UNC45A: variants seen among roughly 807,000 people sequenced by gnomAD.
UNC45A encodes protein unc-45 homolog A.
Under a neutral mutation model 103.2 loss-of-function variants are expected in UNC45A, and 78 were observed. The ratio of observed to expected loss-of-function variants is 0.76; its 90% confidence interval spans 0.63 to 0.91. The LOEUF (loss-of-function observed/expected upper bound fraction) is 0.91. UNC45A is among the 40% of genes least tolerant of loss of function. The pLI, the probability that UNC45A is intolerant of heterozygous loss-of-function variation, is 0.00. For missense variants in UNC45A, 1,193 were observed against 1,224.8 expected, an observed-to-expected ratio of 0.97 and a Z score of 0.39; for synonymous variants, 495 against 504.6, an observed-to-expected ratio of 0.98 and a Z score of 0.25.
chr15:90,945,448 G>A (rs537522188), intron 9 of UNC45A, among the ~76,000 whole-genome samples: 2 of 149,870 alleles, frequency 1.3e-5, no homozygotes, highest in Admixed American at 6.7e-5. Flanking sequence ...CACAACCTTC[G>A]CCTCTAGGGT....
rs890159510 is a variant in UNC45A at position 90,948,054 on chromosome 15, C to T, written c.1596-88C>T. 6.2e-5 allele frequency: 98 copies of T among 1,579,398 alleles called. No homozygotes were observed. The South Asian group carries it at 8.7e-4, about 14-fold the overall frequency. ...CTGCTTCTGTACATTGAGGGGATGC[C>T]CAAACCCTTGGTTTTTCCCCCTTGG... is the stretch of plus-strand genomic sequence containing the variant. On this transcript the variant is annotated intron_variant, in intron 11 of 19. Transcript: ENST00000418476.
In UNC45A at chr15:90,950,598, G is replaced by T; in HGVS notation, c.2286G>T (p.Gly762=). 6.2e-7 allele frequency: 1 copy of T among 1,614,196 alleles called. No homozygotes were observed. Among genetic ancestry groups the T allele is most frequent in the Non-Finnish European group, 8.5e-7 (1 of 1,180,024 alleles). ...EALMALTNLA[G]ISERLRQKIL... ...TCATGGCCCTAACAAACCTGGCTGG[G>T]ATCAGCGAGAGGCTCCGGTAAGGTC... The change falls in exon 17 of 20, where the codon GGG becomes GGT. Residue 762 remains glycine (G), a synonymous_variant. Coordinates refer to ENST00000418476, the MANE Select transcript of UNC45A (RefSeq NM_018671.5).
chr15:90,932,307 C>T (rs1475028668), upstream of UNC45A: 3 of 796,282 alleles, frequency 3.8e-6, no homozygotes, highest in South Asian at 3.8e-5. Context: ...GAGGCTTAAA[C>T]GGTATATCGC....
Position 90,942,545 on chromosome 15 carries a change from G to C in UNC45A, c.796G>C (p.Asp266His), listed in dbSNP as rs2036347574. The change falls in exon 7 of 20, where the codon GAT (aspartate) becomes CAT (histidine). Residue 266 changes from aspartate (D) to histidine (H), a missense_variant. Transcript: ENST00000418476. ...AACHLLQVMF[D>H]ALKEGVKKGF... ...CTGCCACCTGCTGCAGGTTATGTTT[G>C]ATGCCCTCAAGGAAGGTGTCAAAAA... 1 of 1,614,174 alleles carries C rather than the reference G, an allele frequency of 6.2e-7. No homozygotes were observed. The highest frequency in any genetic ancestry group is 1.3e-5 in the African/African-American group (1 of 75,044).
upstream of UNC45A, chr15:90,932,630 G>C (rs2035846208): frequency 2.5e-6 from 2 of 811,540 alleles, no homozygotes; most frequent in East Asian, 6.7e-5. Context: ...GGGGATCGTG[G>C]AGGCTAATTC....
upstream of UNC45A, chr15:90,934,008 C>G: frequency 2.5e-6 from 1 of 398,974 alleles, no homozygotes; most frequent in Non-Finnish European, 4.4e-6. Context: ...GTTGGGGTTC[C>G]CAGGACCAGG....
intron 5 of UNC45A, 63 bp downstream of exon 5, chr15:90,939,886 CGA>C: frequency 2.9e-6 from 4 of 1,375,760 alleles, no homozygotes; most frequent in Admixed American, 2.9e-5. Context: ...CATAGGCCCC[CGA>C]AGCCACTGCT....
upstream of UNC45A, chr15:90,932,597 G>T: frequency 9.2e-7 from 1 of 1,083,818 alleles, no homozygotes; most frequent in Non-Finnish European, 1.2e-6. Flanking sequence ...CGTTTACAGC[G>T]CCCCCTGGCG....
At chr15:90,944,003 T>TTG (rs2036431361) in intron 8 of UNC45A, among the ~76,000 whole-genome samples, 1 of 148,030 alleles carries the variant, frequency 6.8e-6, no homozygotes, top group African/African-American at 2.5e-5. Flanking sequence ...TTTTTTTTTT[T>TTG]TTTTTTTTGT....
intron 1 of UNC45A, 39 bp downstream of exon 1, chr15:90,935,414 C>A: frequency 6.3e-7 from 1 of 1,584,540 alleles, no homozygotes; most frequent in Non-Finnish European, 8.6e-7. Context: ...CCTTCGCACC[C>A]GCCCTGACCA....
intron 6 of UNC45A, among the ~76,000 whole-genome samples, chr15:90,941,953 C>T (rs1286613968): frequency 1.3e-4 from 18 of 137,578 alleles, no homozygotes; most frequent in African/African-American, 3.3e-4. Context: ...AGCAAGACTC[C>T]GTCTCAAAAA....
At chr15:90,951,957 G>T (rs1047107155) in intron 17 of UNC45A, among the ~76,000 whole-genome samples, 1 of 152,162 alleles carries the variant, frequency 6.6e-6, no homozygotes, top group Admixed American at 6.5e-5. Flanking sequence ...CAAATGTTAG[G>T]TGTTAGCCTC....
Position 90,935,542 on chromosome 15 carries a change from A to T in UNC45A, c.52-2A>T. The T allele has an allele frequency of 6.3e-7, 1 of 1,597,446 alleles. No homozygotes were observed. The highest frequency in any genetic ancestry group is 1.1e-5 in the South Asian group (1 of 88,606). Reference sequence around the variant, plus strand: ...ACGTTTCCGCCCCCTTTCTCTCTACAGGCCAGCTCAGTGGAGCAGCTGCGG... The same window carrying T: ...ACGTTTCCGCCCCCTTTCTCTCTACTGGCCAGCTCAGTGGAGCAGCTGCGG... On this transcript the variant is annotated splice_acceptor_variant, in intron 1 of 19. Coordinates refer to ENST00000418476, the MANE Select transcript of UNC45A (RefSeq NM_018671.5). LOFTEE classifies it high-confidence loss of function.
rs2151375249 is a variant in UNC45A, at chr15:90,950,545, T to C, written c.2233T>C (p.Cys745Arg). ...RPLVSLLHLNCSGLQNFEALM... is the reference protein window; with the variant it reads ...RPLVSLLHLNRSGLQNFEALM... ...CCTCGTCTCCCTGTTGCACCTCAAC[T>C]GCTCAGGCCTGCAGAACTTCGAGGC... Residue 745 changes from cysteine (C) to arginine (R), a missense_variant, in exon 17 of 20, where the codon TGC (cysteine) becomes CGC (arginine). Transcript: ENST00000418476. 8 of 1,614,170 alleles carry C rather than the reference T, an allele frequency of 5.0e-6. No individual in the cohort carries two copies. Among genetic ancestry groups the C allele is most frequent in the Non-Finnish European group, 6.8e-6 (8 of 1,180,016 alleles).
chr15:90,948,006 C>A, intron 11 of UNC45A, 116 bp downstream of exon 11: 2 of 1,496,910 alleles, frequency 1.3e-6, no homozygotes, highest in Non-Finnish European at 1.8e-6. Context: ...GCAGGGGCTG[C>A]AGTCTGGATC....
chr15:90,932,489 T>C (rs2035838545), upstream of UNC45A: 2 of 1,308,596 alleles, frequency 1.5e-6, no homozygotes, highest in East Asian at 3.0e-5. Flanking sequence ...TGCCGGTGCT[T>C]GCGAGCCGCG....
intron 15 of UNC45A, 135 bp from the exon 16 acceptor site, chr15:90,950,019 G>T: frequency 1.2e-6 from 1 of 807,554 alleles, no homozygotes. Context: ...GTGTTTGGAT[G>T]CAGAGGGTCT....
chr15:90,943,914 C>T (rs934890559), intron 8 of UNC45A, among the ~76,000 whole-genome samples: 1 of 151,070 alleles, frequency 6.6e-6, no homozygotes, highest in Non-Finnish European at 1.5e-5. Flanking sequence ...GTCTCGAACT[C>T]CTGACCTCAA....
At chr15:90,932,432 T>C, upstream of UNC45A, 1 of 1,355,788 alleles carries the variant, frequency 7.4e-7, no homozygotes, top group Non-Finnish European at 9.5e-7. Context: ...CGCCCACCGA[T>C]GGGGTGGTTG....
Sources: gnomAD v4.1 joint callset for allele counts (sites outside exome capture counted in the v4.1 genomes callset) on GRCh38, gnomAD v4.1.1 for gene constraint, MANE v1.5 for transcripts, NCBI Gene and HGNC (gene_info 2026-07-23, HGNC 2026-07-21) for gene names.